The following WWOX variants were observed in gnomAD, a reference collection of about 807,000 sequenced individuals.
WWOX encodes the protein WW domain containing oxidoreductase, also known as WW domain-containing oxidoreductase.
A neutral mutation model predicts 46.2 loss-of-function variants in WWOX; 69 were observed. The observed-to-expected ratio is 1.49, with a 90% confidence interval of 1.23 to 1.82. WWOX has a LOEUF of 1.82. Among genes scored for constraint, WWOX ranks in the 40% most tolerant of loss-of-function variants. The pLI is 0.00. For synonymous variants in WWOX, 359 were observed against 202.6 expected (o/e 1.77, Z -6.56); for missense variants, 919 against 542.6 (o/e 1.69, Z -6.89).
intron 1 of WWOX, among the ~76,000 whole-genome samples, chr16:78,101,463 C>T (rs1005481031): frequency 6.6e-6 from 1 of 151,140 alleles, no homozygotes; most frequent in African/African-American, 2.4e-5. Flanking sequence ...TCTCGTGTCT[C>T]AGCCTCCCGA....
At chr16:78,235,323 TCTTGGTCCTTG>T (rs1430988889) in intron 5 of WWOX, among the ~76,000 whole-genome samples, 1 of 152,146 alleles carries the variant, frequency 6.6e-6, no homozygotes, top group Non-Finnish European at 1.5e-5. Flanking sequence ...ACTTTGCCAA[TCTTGGTCCTTG>T]CTGTTGTCTG....
chr16:78,827,482 G>A (rs11860100), intron 8 of WWOX, among the ~76,000 whole-genome samples: 8,499 of 152,030 alleles, frequency 0.056, 822 homozygotes, highest in African/African-American at 0.19. Context: ...CACATTTCCA[G>A]CCCCATTTTC....
chr16:78,883,082 C>T (rs1370194911), intron 8 of WWOX, among the ~76,000 whole-genome samples: 2 of 152,174 alleles, frequency 1.3e-5, no homozygotes, highest in Non-Finnish European at 2.9e-5. Flanking sequence ...TGAGTGGGCC[C>T]AGGGTCCAGA....
At chr16:78,420,048 A>C (rs2082886146) in intron 6 of WWOX, among the ~76,000 whole-genome samples, 1 of 152,196 alleles carries the variant, frequency 6.6e-6, no homozygotes, top group Admixed American at 6.5e-5. Flanking sequence ...TCATTAGGGA[A>C]ATGCAAATGA....
chr16:78,535,079 A>G (rs532356691), intron 8 of WWOX: 2 of 152,510 alleles, frequency 1.3e-5, no homozygotes, highest in East Asian at 1.9e-4. Flanking sequence ...CGCTGGTAGA[A>G]TTCACAAAGC....
intron 8 of WWOX, chr16:79,016,373 C>A (rs1239989050): frequency 6.6e-6 from 1 of 152,200 alleles, no homozygotes; most frequent in East Asian, 1.9e-4. Flanking sequence ...TGTTCACTCT[C>A]TTCCCCACTT....
chr16:79,162,221 A>T (rs1170582157), intron 8 of WWOX, among the ~76,000 whole-genome samples: 1 of 152,200 alleles, frequency 6.6e-6, no homozygotes, highest in Non-Finnish European at 1.5e-5. Context: ...GCTGGTATGT[A>T]TCATTCGTTC....
At chr16:78,404,382 AG>A (rs1471662054) in intron 6 of WWOX, among the ~76,000 whole-genome samples, 1 of 151,998 alleles carries the variant, frequency 6.6e-6, no homozygotes, top group Non-Finnish European at 1.5e-5. Context: ...TCTATCCTTC[AG>A]GGGTTTGGGG....
At chr16:78,693,485 C>G (rs931826689) in intron 8 of WWOX, among the ~76,000 whole-genome samples, 1 of 152,106 alleles carries the variant, frequency 6.6e-6, no homozygotes, top group African/African-American at 2.4e-5. Flanking sequence ...TAATCCCTAA[C>G]CATGATAATA....
intron 5 of WWOX, among the ~76,000 whole-genome samples, chr16:78,184,077 T>C (rs933160452): frequency 1.3e-5 from 2 of 152,176 alleles, no homozygotes; most frequent in Non-Finnish European, 2.9e-5. Context: ...ATTCCATGCT[T>C]GGCACAGACC....
intron 8 of WWOX, among the ~76,000 whole-genome samples, chr16:78,510,734 G>A (rs1252985980): frequency 2.0e-5 from 3 of 151,548 alleles, no homozygotes; most frequent in East Asian, 3.9e-4. Flanking sequence ...TCAGTAAAAT[G>A]TATGATAAAC....
At chr16:78,357,268 G>A (rs549595547) in intron 5 of WWOX, among the ~76,000 whole-genome samples, 6 of 152,294 alleles carry the variant, frequency 3.9e-5, no homozygotes, top group Non-Finnish European at 8.8e-5. Flanking sequence ...CTAGCACAAA[G>A]AACATGCTAG....
intron 8 of WWOX, among the ~76,000 whole-genome samples, chr16:78,501,646 C>T (rs1357784486): frequency 1.3e-5 from 2 of 151,930 alleles, no homozygotes; most frequent in Non-Finnish European, 2.9e-5. Flanking sequence ...ACGCCATTCT[C>T]CTGCCTCAGC....
intron 8 of WWOX, among the ~76,000 whole-genome samples, chr16:78,999,386 C>G (rs867114939): frequency 6.6e-5 from 10 of 152,280 alleles, no homozygotes; most frequent in Middle Eastern, 3.4e-3. Context: ...AGGAGAATCG[C>G]TTCAACCCAG....
chr16:79,133,109 T>TA (rs1446263024), intron 8 of WWOX, among the ~76,000 whole-genome samples: 1 of 152,222 alleles, frequency 6.6e-6, no homozygotes, highest in East Asian at 1.9e-4. Flanking sequence ...TTCTTCGTCT[T>TA]ACATAAAGCC....
chr16:78,728,115 A>G (rs1427866354), intron 8 of WWOX, among the ~76,000 whole-genome samples: 2 of 115,454 alleles, frequency 1.7e-5, no homozygotes, highest in African/African-American at 6.9e-5. Flanking sequence ...CCCAAGCTGG[A>G]GTGCAGTGGC....
At chr16:78,287,356 A>G (rs1208790752) in intron 5 of WWOX, among the ~76,000 whole-genome samples, 1 of 152,194 alleles carries the variant, frequency 6.6e-6, no homozygotes, top group Non-Finnish European at 1.5e-5. Flanking sequence ...TTGGAGCATC[A>G]TCTTTAACTA....
chr16:78,496,340 G>T (rs2084918041), intron 8 of WWOX: 1 of 152,248 alleles, frequency 6.6e-6, no homozygotes, highest in Non-Finnish European at 1.5e-5. Flanking sequence ...TAAAGTTATA[G>T]ATGAGTGCCA....
intron 5 of WWOX, among the ~76,000 whole-genome samples, chr16:78,250,369 G>C (rs2037951957): frequency 6.6e-6 from 1 of 152,064 alleles, no homozygotes; most frequent in South Asian, 2.1e-4. Flanking sequence ...ACCTCCATCT[G>C]CCTTTGTTTT....
Sources: gnomAD v4.1 joint callset for allele counts (sites outside exome capture counted in the v4.1 genomes callset) on GRCh38, gnomAD v4.1.1 for gene constraint, MANE v1.5 for transcripts, NCBI Gene and HGNC (gene_info 2026-07-23, HGNC 2026-07-21) for gene names.